MYLK3: variants seen among roughly 807,000 people sequenced by gnomAD.
MYLK3 encodes myosin light chain kinase 3.
Under a neutral mutation model 76.3 loss-of-function variants are expected in MYLK3, and 55 were observed. The observed-to-expected ratio is 0.72, with a 90% CI of 0.58 to 0.90. MYLK3 has a LOEUF of 0.90. Among genes scored for constraint, MYLK3 ranks in the 40% least tolerant of loss-of-function variants. The pLI is 0.00. For missense variants in MYLK3, 973 were observed against 1,053.6 expected, an observed-to-expected ratio of 0.92 and a Z score of 1.06; for synonymous variants, 416 against 425.4, an observed-to-expected ratio of 0.98 and a Z score of 0.27.
chr16:46,734,092 A>G (rs1966858447), intron 3 of MYLK3, among the ~76,000 whole-genome samples: 1 of 152,236 alleles, frequency 6.6e-6, no homozygotes, highest in Non-Finnish European at 1.5e-5. Flanking sequence ...AGGGTCTCCA[A>G]GAGACATCTG....
Position 46,740,559 on chromosome 16 carries a change from T to A in MYLK3, c.478-412A>T, listed in dbSNP as rs1407520481. On this transcript the variant is annotated intron_variant, in intron 1 of 12. Transcript: ENST00000394809. ...TACATATATATATATATATTTTTTT[T>A]TTTTTTTTTTGAGACAAGGTCTTGC... Among the ~76,000 whole-genome samples the A allele has an allele frequency of 1.3e-4, 17 of 134,522 alleles. 1 individual carries two copies. Among genetic ancestry groups the A allele is most frequent in the African/African-American group, 3.2e-4 (11 of 34,884 alleles). The allele number at this position is 134,522 out of a possible 152,430, so 88.3% of individuals were successfully genotyped here.
intron 8 of MYLK3, chr16:46,726,622 GA>G (rs1966840907): frequency 7.5e-6 from 1 of 132,596 alleles, no homozygotes; most frequent in South Asian, 2.6e-4. Flanking sequence ...AAGAGAAAGA[GA>G]AAGAAAAAGA....
At chr16:46,728,391 C>T (rs1966846398) in intron 7 of MYLK3, among the ~76,000 whole-genome samples, 1 of 152,188 alleles carries the variant, frequency 6.6e-6, no homozygotes, top group Admixed American at 6.5e-5. Context: ...TAATGTGAAG[C>T]TTCCTAATTT....
chr16:46,715,465 A>G lies in MYLK3; in HGVS notation c.1986-2689T>C, dbSNP rs575670301. Among the ~76,000 whole-genome samples the G allele has an allele frequency of 6.2e-4, 95 of 152,302 alleles. 1 individual carries two copies. Among genetic ancestry groups the G allele is most frequent in the Non-Finnish European group, 1.2e-3 (80 of 68,034 alleles). ...ACGCTCTCTTCATATTCTTAGCTCA[A>G]GTCTGTCTATGGCCATAAGGTCAAA... On this transcript the variant is annotated intron_variant, in intron 9 of 12. Transcript: ENST00000394809.
chr16:46,732,553 G>A lies in MYLK3; in HGVS notation c.1117C>T (p.Gln373Ter). The A allele has an allele frequency of 1.2e-6, 2 of 1,600,964 alleles. No homozygotes were observed. The highest frequency in any genetic ancestry group is 1.7e-6 in the Non-Finnish European group (2 of 1,179,612). Reference sequence around the variant, plus strand: ...CAGCGCCCGGTCCCAGGTGGGCCCTGCTTGCCTGGCTGGGCAGCTGCTGGA... The same window carrying A: ...CAGCGCCCGGTCCCAGGTGGGCCCTACTTGCCTGGCTGGGCAGCTGCTGGA... ...EAPAAAQPGK[Q>*]GPPGTGRCLQ... The change falls in exon 4 of 13, where the codon CAG becomes TAG. Residue 373 changes from glutamine (Q) to a stop codon, truncating the protein, a stop_gained. Coordinates refer to ENST00000394809, the MANE Select transcript of MYLK3 (RefSeq NM_182493.3). LOFTEE classifies it high-confidence loss of function.
rs1390687797 is a variant in MYLK3, at chr16:46,737,775, G to A, written c.937C>T (p.Pro313Ser). ...RLTPGPGPQCPGPPGLPAQAR... is the reference protein window; with the variant it reads ...RLTPGPGPQCSGPPGLPAQAR... ...TGGGCTGGCAGCCCTGGAGGCCCTG[G>A]GCACTGAGGGCCAGGCCCTGGAGTC... The change falls in exon 3 of 13, where the codon CCA (proline) becomes TCA (serine). Residue 313 changes from proline to serine, a missense_variant. Pro to Ser is a moderately conservative substitution (Grantham distance 74). Transcript: ENST00000394809. 1 of 1,611,582 alleles carries A rather than the reference G, an allele frequency of 6.2e-7. No homozygotes were observed. Among genetic ancestry groups the A allele is most frequent in the Non-Finnish European group, 8.5e-7 (1 of 1,179,842 alleles).
rs767500788 is a variant in MYLK3, at chr16:46,727,345, G to A, written c.1805C>T (p.Thr602Ile). The A allele has an allele frequency of 6.2e-6, 10 of 1,613,308 alleles. No individual in the cohort carries two copies. In the African/African-American group the frequency reaches 9.3e-5, roughly 15 times the overall value. Residue 602 changes from threonine to isoleucine, a missense_variant, in exon 8 of 13, where the codon ACA becomes ATA. Physicochemically the swap from Thr to Ile is moderately conservative, Grantham distance 89. Around this residue, in one of 2 missense-constraint regions of MYLK3, gnomAD observed 332 missense variants for 416.6 expected, o/e 0.80. Transcript: ENST00000394809. ...VDGGELFDRITDEKYHLTELD... is the reference protein window; with the variant it reads ...VDGGELFDRIIDEKYHLTELD... ...CTCAGTCAGGTGGTACTTCTCATCT[G>A]TGATCCGGTCGAAGAGCTCACCCCC...
At chr16:46,745,753 A>G (rs1266460423) in intron 1 of MYLK3, among the ~76,000 whole-genome samples, 1 of 152,136 alleles carries the variant, frequency 6.6e-6, no homozygotes, top group Non-Finnish European at 1.5e-5. Context: ...AAAAACAAAC[A>G]AAAACAACAA....
At chr16:46,710,028 C>A (rs1966667098) in intron 11 of MYLK3, among the ~76,000 whole-genome samples, 1 of 152,226 alleles carries the variant, frequency 6.6e-6, no homozygotes, top group Non-Finnish European at 1.5e-5. Flanking sequence ...AAGCTCATTT[C>A]TCCTTCCAGA....
chr16:46,710,672 C>T lies in MYLK3; in HGVS notation c.2232G>A (p.Lys744=). The T allele has an allele frequency of 6.2e-7, 1 of 1,614,138 alleles. No homozygotes were observed. Among genetic ancestry groups the T allele is most frequent in the Non-Finnish European group, 8.5e-7 (1 of 1,180,028 alleles). Residue 744 remains lysine (K), a synonymous_variant, in exon 11 of 13, where the codon AAG becomes AAA. Coordinates refer to ENST00000394809, the MANE Select transcript of MYLK3 (RefSeq NM_182493.3). ...DTFEGLSEEA[K]DFVSRLLVKE... ...TGACCAGCAACCGGGAAACAAAGTC[C>T]TTGGCCTCCTCCGAGAGCCCTTCAA...
At chr16:46,721,273 T>C in intron 8 of MYLK3, 80 bp from the exon 9 acceptor site, 1 of 1,344,946 alleles carries the variant, frequency 7.4e-7, no homozygotes, top group Non-Finnish European at 1.1e-6. Context: ...TAGGCCTCTG[T>C]TTTCCAGCCT....
chr16:46,757,051 C>G (rs1456846705), intron 1 of MYLK3, among the ~76,000 whole-genome samples: 1 of 152,150 alleles, frequency 6.6e-6, no homozygotes, highest in Non-Finnish European at 1.5e-5. Context: ...GCCACCTCCC[C>G]GCCCGCACCA....
In MYLK3 at chr16:46,705,823, C is replaced by G. The variant is rs1475426247; in HGVS notation, c.*1881G>C. On this transcript the variant is annotated 3_prime_UTR_variant, in exon 13 of 13. Coordinates refer to ENST00000394809, the MANE Select transcript of MYLK3 (RefSeq NM_182493.3). ...GCAACATGGCAAAACCCTATCTCCA[C>G]TAAAAATACAAAAATTAGCTGGGTG... 1 of 152,006 alleles carries G rather than the reference C, an allele frequency of 6.6e-6. No homozygotes were observed. The allele number at this position is 152,006 out of a possible 1,614,324, so 9.4% of individuals were successfully genotyped here. A position where few individuals can be genotyped will look rare whatever the true frequency, so the allele number is the denominator to read the frequency against.
intron 1 of MYLK3, among the ~76,000 whole-genome samples, chr16:46,746,694 G>A (rs1290423228): frequency 6.6e-6 from 1 of 152,206 alleles, no homozygotes; most frequent in East Asian, 1.9e-4. Flanking sequence ...CAAAGCACTA[G>A]GATTACAGGC....
At chr16:46,750,470 T>C (rs1967108654), upstream of MYLK3, among the ~76,000 whole-genome samples, 2 of 152,024 alleles carry the variant, frequency 1.3e-5, no homozygotes, top group Admixed American at 6.6e-5. Flanking sequence ...CCAAAGCAAA[T>C]GGATCACGAG....
chr16:46,724,211 C>T (rs1255896919), intron 8 of MYLK3, among the ~76,000 whole-genome samples: 3 of 152,102 alleles, frequency 2.0e-5, no homozygotes, highest in Non-Finnish European at 4.4e-5. Context: ...AATCCTTTAT[C>T]TGATATATGA....
Position 46,729,604 on chromosome 16 carries a change from G to A in MYLK3, c.1652C>T (p.Ala551Val). The change falls in exon 6 of 13, where the codon GCC becomes GTC. Residue 551 changes from alanine to valine, a missense_variant. Around this residue, in one of 2 missense-constraint regions of MYLK3, gnomAD observed 332 missense variants for 416.6 expected, o/e 0.80. Transcript: ENST00000394809. ...LAAKIIKVKSAKDREDVKNEI... is the reference protein window; with the variant it reads ...LAAKIIKVKSVKDREDVKNEI... The stretch of plus-strand genomic sequence containing the variant: ...AGCCAGATGCCTCACCCGGTCCTTG[G>A]CGCTCTTCACTTTGATGATCTTGGC... The A allele has an allele frequency of 1.2e-6, 2 of 1,613,694 alleles. No homozygotes were observed. Among genetic ancestry groups the A allele is most frequent in the South Asian group, 1.1e-5 (1 of 91,084 alleles).
chr16:46,719,340 AAAG>A (rs1966776535), intron 9 of MYLK3, among the ~76,000 whole-genome samples: 1 of 152,080 alleles, frequency 6.6e-6, no homozygotes, highest in African/African-American at 2.4e-5. Context: ...AAAAAAAAAA[AAAG>A]AAGATATGTG....
chr16:46,710,596 C>T, intron 11 of MYLK3, 41 bp downstream of exon 11: 1 of 1,611,188 alleles, frequency 6.2e-7, no homozygotes, highest in Non-Finnish European at 8.5e-7. Flanking sequence ...ACCTGGGGTC[C>T]CCATCAGAAG....
Sources: gnomAD v4.1 joint callset for allele counts (sites outside exome capture counted in the v4.1 genomes callset) on GRCh38, gnomAD v4.1.1 for gene constraint, gnomAD v4.1.1 regional missense constraint, MANE v1.5 for transcripts, NCBI Gene and HGNC (gene_info 2026-07-23, HGNC 2026-07-21) for gene names.